Variants in NOL10 observed in about 807,000 individuals in gnomAD.
NOL10 encodes the protein nucleolar protein 10.
Under a neutral mutation model 103.5 loss-of-function variants are expected in NOL10, and 58 were observed. The ratio of observed to expected loss-of-function variants is 0.56; its 90% confidence interval spans 0.45 to 0.70. NOL10 has a LOEUF of 0.70. Ranked by LOEUF, NOL10 falls within the 30% of genes least tolerant of loss-of-function variation. The probability of loss-of-function intolerance (pLI) is 0.00; values close to 1 mark genes in which losing one functional copy is unlikely to be tolerated. For missense variants in NOL10, 763 were observed against 807.3 expected, an observed-to-expected ratio of 0.95 and a Z score of 0.67; for synonymous variants, 287 against 282.5, an observed-to-expected ratio of 1.02 and a Z score of -0.16.
chr2:10,581,209 G>A (rs1367727522), intron 19 of NOL10, among the ~76,000 whole-genome samples: 1 of 152,192 alleles, frequency 6.6e-6, no homozygotes, highest in Non-Finnish European at 1.5e-5. Flanking sequence ...GGAGTGTGGG[G>A]AAACAGGCGC....
At chr2:10,684,645 C>G in intron 1 of NOL10, 33 bp from the exon 2 acceptor site, 1 of 1,517,760 alleles carries the variant, frequency 6.6e-7, no homozygotes, top group Middle Eastern at 1.7e-4. Context: ...TATTTTAAAA[C>G]AAATTTAGCT....
intron 9 of NOL10, among the ~76,000 whole-genome samples, chr2:10,660,938 T>TAA (rs201143409): frequency 2.2e-5 from 3 of 137,938 alleles, no homozygotes; most frequent in Admixed American, 7.3e-5. Flanking sequence ...AGCAAAGCAT[T>TAA]AAAAAAAAAA....
At chr2:10,578,645 G>T (rs898329385) in intron 19 of NOL10, among the ~76,000 whole-genome samples, 15 of 152,000 alleles carry the variant, frequency 9.9e-5, no homozygotes, top group Non-Finnish European at 1.5e-5. Flanking sequence ...ATTATAAAAT[G>T]AAACTTCACT....
intron 19 of NOL10, among the ~76,000 whole-genome samples, chr2:10,587,380 C>G (rs1675167736): frequency 6.8e-6 from 1 of 147,666 alleles, no homozygotes; most frequent in African/African-American, 2.5e-5. Context: ...AAGCAATTCT[C>G]CTGCCTCAGC....
chr2:10,622,499 A>G, intron 13 of NOL10, among the ~76,000 whole-genome samples: 1 of 151,118 alleles, frequency 6.6e-6, no homozygotes, highest in Non-Finnish European at 1.5e-5. Context: ...AAAAAAAAAG[A>G]GAGAAGAAAA....
At chr2:10,575,687 G>A (rs967412051) in intron 20 of NOL10, among the ~76,000 whole-genome samples, 1 of 152,136 alleles carries the variant, frequency 6.6e-6, no homozygotes, top group Non-Finnish European at 1.5e-5. Context: ...GTATTTTCAT[G>A]TTACTGCAAG....
At chr2:10,665,840 A>C (rs1194342380) in intron 8 of NOL10, among the ~76,000 whole-genome samples, 1 of 152,238 alleles carries the variant, frequency 6.6e-6, no homozygotes, top group Non-Finnish European at 1.5e-5. Context: ...TATCTGTCAG[A>C]TCAAACTTAG....
At chr2:10,664,588 T>A (rs1200823471) in intron 8 of NOL10, among the ~76,000 whole-genome samples, 1 of 152,254 alleles carries the variant, frequency 6.6e-6, no homozygotes, top group Non-Finnish European at 1.5e-5. Context: ...GTCGCCCAGC[T>A]GGAGTGCAGG....
intron 13 of NOL10, among the ~76,000 whole-genome samples, chr2:10,624,907 C>A (rs1215273252): frequency 6.6e-6 from 1 of 152,150 alleles, no homozygotes; most frequent in Non-Finnish European, 1.5e-5. Context: ...AGACAAGCTG[C>A]AGTACATCCA....
Position 10,657,752 on chromosome 2 carries a change from T to G in NOL10, c.896A>C (p.Asn299Thr). The G allele has an allele frequency of 6.5e-7, 1 of 1,550,198 alleles. No homozygotes were observed. Among genetic ancestry groups the G allele is most frequent in the Non-Finnish European group, 8.7e-7 (1 of 1,146,516 alleles). The part of the protein sequence containing the change: ...SADSRIVKMW[N>T]KNSGKIFTSL... ...ACCAAAAATACATACGGAGTTCTTA[T>G]TCCACATCTTGACAATTCGAGAGTC... The change falls in exon 11 of 21, where the codon AAT becomes ACT. Residue 299 changes from asparagine (N) to threonine (T), a missense_variant. Transcript: ENST00000381685.
At chr2:10,633,598 T>A (rs1677985942) in intron 13 of NOL10, among the ~76,000 whole-genome samples, 3 of 151,892 alleles carry the variant, frequency 2.0e-5, no homozygotes, top group Admixed American at 2.0e-4. Context: ...TATTTGGTGA[T>A]CTTTGTAAAT....
chr2:10,620,987 T>C (rs61674396), intron 13 of NOL10, among the ~76,000 whole-genome samples: 5,632 of 152,056 alleles, frequency 0.037, 204 homozygotes, highest in African/African-American at 0.093. Context: ...ATAGAGACGG[T>C]TTTGCCATGT....
At chr2:10,642,997 C>A (rs1678816278) in intron 13 of NOL10, among the ~76,000 whole-genome samples, 1 of 152,140 alleles carries the variant, frequency 6.6e-6, no homozygotes, top group Admixed American at 6.5e-5. Context: ...GCATCGTTCC[C>A]AACACACAGT....
chr2:10,671,094 T>G (rs968158564), intron 6 of NOL10, among the ~76,000 whole-genome samples: 1 of 152,208 alleles, frequency 6.6e-6, no homozygotes, highest in African/African-American at 2.4e-5. Context: ...ACATATGACC[T>G]ATTAATCACA....
chr2:10,597,741 G>A (rs748099939), intron 17 of NOL10, among the ~76,000 whole-genome samples: 10 of 152,170 alleles, frequency 6.6e-5, no homozygotes, highest in African/African-American at 2.2e-4. Context: ...GTACTCTTTG[G>A]AAGAATTCTG....
chr2:10,665,296 A>C (rs1680500684), intron 8 of NOL10, among the ~76,000 whole-genome samples: 1 of 152,234 alleles, frequency 6.6e-6, no homozygotes, highest in African/African-American at 2.4e-5. Context: ...TCCAGTGTAA[A>C]TACAAAATGT....
Position 10,668,652 on chromosome 2 carries a change from A to G in NOL10, c.530+6T>C. Reference sequence around the variant, plus strand: ...TGTATATAGCAGAATTACTAAAACTACTCACGCAGCATCAGTTTGTAGAGG... The same window carrying G: ...TGTATATAGCAGAATTACTAAAACTGCTCACGCAGCATCAGTTTGTAGAGG... On this transcript the variant is annotated splice_donor_region_variant and intron_variant, in intron 7 of 20. Coordinates refer to ENST00000381685, the MANE Select transcript of NOL10 (RefSeq NM_024894.4). 1 of 1,492,148 alleles carries G rather than the reference A, an allele frequency of 6.7e-7. No homozygotes were observed. Among genetic ancestry groups the G allele is most frequent in the Non-Finnish European group, 9.2e-7 (1 of 1,089,932 alleles). The allele number at this position is 1,492,148 out of a possible 1,614,324, so 92.4% of individuals were successfully genotyped here. A position where few individuals can be genotyped will look rare whatever the true frequency, so the allele number is the denominator to read the frequency against.
chr2:10,629,696 A>T (rs1408495549), intron 13 of NOL10, among the ~76,000 whole-genome samples: 2 of 152,232 alleles, frequency 1.3e-5, no homozygotes, highest in East Asian at 3.8e-4. Context: ...CTAATGGCAC[A>T]ACAGACCTCT....
At chr2:10,687,966 C>T (rs1000270258) in intron 1 of NOL10, among the ~76,000 whole-genome samples, 3 of 152,150 alleles carry the variant, frequency 2.0e-5, no homozygotes, top group African/African-American at 7.2e-5. Flanking sequence ...TCCTCCTCTC[C>T]ACCTTTCAAT....
Sources: gnomAD v4.1 joint callset for allele counts (sites outside exome capture counted in the v4.1 genomes callset) on GRCh38, gnomAD v4.1.1 for gene constraint, MANE v1.5 for transcripts, NCBI Gene and HGNC (gene_info 2026-07-23, HGNC 2026-07-21) for gene names.